TXNDC15: variants seen among roughly 807,000 people sequenced by gnomAD.
TXNDC15 encodes the protein thioredoxin domain-containing protein 15.
Under a neutral mutation model 35.0 loss-of-function variants are expected in TXNDC15, and 24 were observed. That is an observed-to-expected ratio of 0.68 (90% confidence interval 0.50 to 0.96). The LOEUF is 0.96. TXNDC15 is among the 40% of genes least tolerant of loss of function. The pLI is 0.00. For synonymous variants in TXNDC15, 169 were observed against 174.0 expected (o/e 0.97, Z 0.23); for missense variants, 385 against 453.3 (o/e 0.85, Z 1.37).
chr5:134,882,706 G>A (rs1407698212), intron 1 of TXNDC15, among the ~76,000 whole-genome samples: 1 of 152,114 alleles, frequency 6.6e-6, no homozygotes, highest in Non-Finnish European at 1.5e-5. Flanking sequence ...CAGGCGTGGC[G>A]GCGCGCGCCT....
chr5:134,894,523 A>C (rs1312344108), intron 3 of TXNDC15, among the ~76,000 whole-genome samples: 1 of 151,716 alleles, frequency 6.6e-6, no homozygotes, highest in African/African-American at 2.4e-5. Flanking sequence ...ACCTGCCACC[A>C]TGCCGGCTAA....
At chr5:134,878,878 A>C (rs1750089459) in intron 1 of TXNDC15, among the ~76,000 whole-genome samples, 1 of 152,172 alleles carries the variant, frequency 6.6e-6, no homozygotes, top group Admixed American at 6.5e-5. Flanking sequence ...GCGCATCTGT[A>C]ATCCCAGCTA....
chr5:134,890,301 T>C (rs908931299), intron 2 of TXNDC15, among the ~76,000 whole-genome samples: 1 of 152,012 alleles, frequency 6.6e-6, no homozygotes, highest in African/African-American at 2.4e-5. Flanking sequence ...CCTCAAAGTG[T>C]TGTGAGTCGT....
In TXNDC15 at chr5:134,874,398, C is replaced by G. The variant is rs1045299273; in HGVS notation, c.-30C>G. 7.7e-6 allele frequency: 12 copies of G among 1,559,936 alleles called. No homozygotes were observed. Among genetic ancestry groups the G allele is most frequent in the African/African-American group, 5.6e-5 (4 of 71,250 alleles). On this transcript the variant is annotated 5_prime_UTR_variant, in exon 1 of 5. Coordinates refer to ENST00000358387, the MANE Select transcript of TXNDC15 (RefSeq NM_024715.4). ...CCGGCTGGCAGCACGACTCGCGTAG[C>G]CGTGCGCCGATTGCCTCTCGGCCTG...
At chr5:134,886,800 A>AGCAGCCAGAAAACTTTGCTC (rs1257714525) in intron 1 of TXNDC15, among the ~76,000 whole-genome samples, 2 of 152,224 alleles carry the variant, frequency 1.3e-5, no homozygotes, top group Admixed American at 1.3e-4. Flanking sequence ...GTTCTGGAGT[A>AGCAGCCAGAAAACTTTGCTC]GCAGCCAGAA....
chr5:134,877,265 C>G (rs1561895828), intron 1 of TXNDC15, among the ~76,000 whole-genome samples: 1 of 152,068 alleles, frequency 6.6e-6, no homozygotes, highest in African/African-American at 2.4e-5. Context: ...TGTAAATGAT[C>G]AGGGACTAGA....
chr5:134,889,248 A>G (rs946780306), intron 2 of TXNDC15, among the ~76,000 whole-genome samples: 2 of 152,076 alleles, frequency 1.3e-5, no homozygotes, highest in Admixed American at 1.3e-4. Context: ...TTTTTGACAC[A>G]GAGTCTCACT....
chr5:134,874,793 A>G (rs1254462011), intron 1 of TXNDC15, among the ~76,000 whole-genome samples: 1 of 152,272 alleles, frequency 6.6e-6, no homozygotes, highest in Non-Finnish European at 1.5e-5. Context: ...GCTGGTAGCC[A>G]GGAGGGACAG....
At chr5:134,874,352 C>A, upstream of TXNDC15, 2 of 1,305,276 alleles carry the variant, frequency 1.5e-6, no homozygotes, top group Non-Finnish European at 2.0e-6. Context: ...CGCTCCCAGG[C>A]TCTCCTCCCC....
intron 3 of TXNDC15, 91 bp downstream of exon 3, chr5:134,893,746 A>G (rs1750436065): frequency 6.6e-7 from 1 of 1,525,974 alleles, no homozygotes; most frequent in Non-Finnish European, 9.0e-7. Flanking sequence ...GAAGCAGAAG[A>G]GGGGGGGCAT....
chr5:134,874,328 CG>C, upstream of TXNDC15: 2 of 1,011,394 alleles, frequency 2.0e-6, no homozygotes, highest in East Asian at 3.1e-5. Context: ...GATGGCGGCG[CG>C]GGGCCGCGCC....
At chr5:134,889,266 C>T (rs921381630) in intron 2 of TXNDC15, among the ~76,000 whole-genome samples, 1 of 152,180 alleles carries the variant, frequency 6.6e-6, no homozygotes, top group African/African-American at 2.4e-5. Flanking sequence ...ACTCTGTCAC[C>T]CAGGCTGGAG....
At chr5:134,879,492 C>A (rs185607527) in intron 1 of TXNDC15, among the ~76,000 whole-genome samples, 2 of 152,330 alleles carry the variant, frequency 1.3e-5, no homozygotes, top group African/African-American at 4.8e-5. Context: ...GCCTCTCTGG[C>A]TTCATTTCCT....
At chr5:134,899,292 T>C (rs918880050) in intron 4 of TXNDC15, among the ~76,000 whole-genome samples, 197 bp from the exon 5 acceptor site, 1 of 152,166 alleles carries the variant, frequency 6.6e-6, no homozygotes, top group African/African-American at 2.4e-5. Context: ...CCTGATCCTT[T>C]GATGCAGTGG....
chr5:134,899,398 A>G (rs2150191996), intron 4 of TXNDC15, 91 bp from the exon 5 acceptor site: 2 of 1,059,652 alleles, frequency 1.9e-6, no homozygotes, highest in South Asian at 1.4e-5. Context: ...TTAGGACTGC[A>G]TGTCATTTTG....
chr5:134,892,394 G>A (rs1750406994), intron 2 of TXNDC15: 2 of 152,166 alleles, frequency 1.3e-5, no homozygotes, highest in Admixed American at 6.6e-5. Flanking sequence ...TGGCTTAAAT[G>A]TTGTGACTGG....
chr5:134,895,442 T>TGCCTCTCCCGCAACTCCCTCCC (rs1205826375), intron 3 of TXNDC15, among the ~76,000 whole-genome samples: 1 of 152,206 alleles, frequency 6.6e-6, no homozygotes, highest in African/African-American at 2.4e-5. Flanking sequence ...CTGTCCCTCC[T>TGCCTCTCCCGCAACTCCCTCCC]GCCTCTCCCG....
chr5:134,894,821 C>A (rs1750459026), intron 3 of TXNDC15, among the ~76,000 whole-genome samples: 1 of 152,026 alleles, frequency 6.6e-6, no homozygotes, highest in Admixed American at 6.6e-5. Flanking sequence ...GTAAATAAAT[C>A]TAGAACATCT....
At chr5:134,896,181 C>T (rs935787376) in intron 3 of TXNDC15, 113 bp from the exon 4 acceptor site, 43 of 1,294,000 alleles carry the variant, frequency 3.3e-5, no homozygotes, top group Middle Eastern at 2.8e-4. Flanking sequence ...CAGAAATCTC[C>T]GTAGGTCACA....
Sources: gnomAD v4.1 joint callset for allele counts (sites outside exome capture counted in the v4.1 genomes callset) on GRCh38, gnomAD v4.1.1 for gene constraint, MANE v1.5 for transcripts, NCBI Gene and HGNC (gene_info 2026-07-23, HGNC 2026-07-21) for gene names.